Variants in CCNF observed in about 807,000 individuals in gnomAD.
CCNF encodes cyclin-F.
A neutral mutation model predicts 85.4 loss-of-function variants in CCNF; 30 were observed. That is an observed-to-expected ratio of 0.35 (90% CI 0.26 to 0.48). The LOEUF is 0.48. Ranked by LOEUF, CCNF falls within the 20% of genes least tolerant of loss-of-function variation. The pLI is 0.99. For missense variants in CCNF, 919 were observed against 1,010.4 expected, an observed-to-expected ratio of 0.91 and a Z score of 1.23; for synonymous variants, 439 against 425.1, an observed-to-expected ratio of 1.03 and a Z score of -0.40.
Position 2,445,388 on chromosome 16 carries a change from G to A in CCNF, c.930-70G>A, listed in dbSNP as rs779567997. 5.2e-6 allele frequency: 8 copies of A among 1,545,676 alleles called. No individual in the cohort carries two copies. The Admixed American group carries it at 1.4e-4, about 26-fold the overall frequency. On this transcript the variant is annotated intron_variant, in intron 9 of 16. Transcript: ENST00000397066. ...CTTATTTGGTCGGGCCCAACAGGTG[G>A]GGTTGAAATCGCAGACAGGGACACA...
At chr16:2,443,615 T>C (rs1315552511) in intron 8 of CCNF, 34 bp from the exon 9 acceptor site, 2 of 1,599,858 alleles carry the variant, frequency 1.3e-6, no homozygotes, top group African/African-American at 2.7e-5. Flanking sequence ...ACATGGCTGC[T>C]GTCTCACGCT....
At chr16:2,429,559 C>T in intron 1 of CCNF, 62 bp downstream of exon 1, 1 of 1,219,946 alleles carries the variant, frequency 8.2e-7, no homozygotes, top group Non-Finnish European at 1.0e-6. Context: ...CCCTGCGGGG[C>T]GGACGGTGGG....
chr16:2,438,171 C>T (rs1445915289), intron 6 of CCNF, 48 bp downstream of exon 6: 1 of 1,326,204 alleles, frequency 7.5e-7, no homozygotes, highest in Admixed American at 1.7e-5. Flanking sequence ...CGATACATCC[C>T]TAGCCGAGAT....
chr16:2,454,072 TC>T, intron 15 of CCNF, among the ~76,000 whole-genome samples: 1 of 152,300 alleles, frequency 6.6e-6, no homozygotes, highest in East Asian at 1.9e-4. Flanking sequence ...AACAGGGCCC[TC>T]CCTGTGCTGC....
chr16:2,452,574 T>C lies in CCNF; in HGVS notation c.1488-636T>C, dbSNP rs1241566702. 3 of 152,228 alleles carry C rather than the reference T, an allele frequency of 2.0e-5. No individual in the cohort carries two copies. The highest frequency in any genetic ancestry group is 7.2e-5 in the African/African-American group (3 of 41,450). The allele number at this position is 152,228 out of a possible 1,614,324, so 9.4% of individuals were successfully genotyped here. ...ACGTTATTTAGAAACTACACTTCCTTTGATTGTGTGATTTAACGGGCTTTT... is the reference window on the plus strand; with the variant it reads ...ACGTTATTTAGAAACTACACTTCCTCTGATTGTGTGATTTAACGGGCTTTT... On this transcript the variant is annotated intron_variant, in intron 13 of 16. Transcript: ENST00000397066. This position sits in a 1 kb window ranked among gnomAD's most constrained non-coding sequence, Gnocchi z 4.1.
At chr16:2,445,848 C>A (rs937238820) in intron 10 of CCNF, among the ~76,000 whole-genome samples, 5 of 152,062 alleles carry the variant, frequency 3.3e-5, no homozygotes, top group African/African-American at 1.2e-4. Flanking sequence ...CTGCCTCAGC[C>A]TCCAGAGTAG....
In CCNF at chr16:2,455,530, C is replaced by G; in HGVS notation, c.1851C>G (p.Gly617=). 1 of 1,602,882 alleles carries G rather than the reference C, an allele frequency of 6.2e-7. No homozygotes were observed. The highest frequency in any genetic ancestry group is 8.5e-7 in the Non-Finnish European group (1 of 1,171,044). ...TGGACTGCTGCTCTGGCTATGAAGG[C>G]GACCAGGAGAGTGAGGGCGAGAAGG... ...WSLDCCSGYE[G]DQESEGEKEG... is the part of the protein sequence containing the mutation. Residue 617 remains glycine, a synonymous_variant, in exon 16 of 17, where the codon GGC becomes GGG. Coordinates refer to ENST00000397066, the MANE Select transcript of CCNF (RefSeq NM_001761.3).
At chr16:2,449,070 C>A in intron 11 of CCNF, 92 bp downstream of exon 11, 1 of 1,546,122 alleles carries the variant, frequency 6.5e-7, no homozygotes, top group Non-Finnish European at 8.9e-7. Context: ...GTGGGAGGGC[C>A]TCATGGACTC....
At chr16:2,435,300 G>A (rs982999415) in intron 3 of CCNF, among the ~76,000 whole-genome samples, 6 of 150,942 alleles carry the variant, frequency 4.0e-5, no homozygotes, top group Admixed American at 3.3e-4. Flanking sequence ...TTCTAGAGCC[G>A]GGCATGATGG....
At chr16:2,450,271 G>A (rs894256063) in intron 13 of CCNF, among the ~76,000 whole-genome samples, 11 of 150,534 alleles carry the variant, frequency 7.3e-5, no homozygotes, top group African/African-American at 1.7e-4. Flanking sequence ...AGGCCAAAGC[G>A]GGCGGATCAC....
chr16:2,439,509 G>T, intron 7 of CCNF, 52 bp downstream of exon 7: 1 of 1,302,044 alleles, frequency 7.7e-7, no homozygotes, highest in African/African-American at 1.4e-5. Context: ...CAAAGGCGTA[G>T]TTGATGCTGG....
chr16:2,439,571 GTC>G (rs1218756553), intron 7 of CCNF, 114 bp downstream of exon 7: 5 of 928,818 alleles, frequency 5.4e-6, no homozygotes, highest in African/African-American at 3.3e-5. Context: ...GCTGCTCCCG[GTC>G]TCTCAGCCTC....
chr16:2,434,148 A>G (rs1342596417), intron 3 of CCNF, among the ~76,000 whole-genome samples: 3 of 151,918 alleles, frequency 2.0e-5, no homozygotes, highest in African/African-American at 4.8e-5. Context: ...TCTATTAAAA[A>G]TACAAAAATT....
chr16:2,433,129 CTG>C, intron 3 of CCNF, 62 bp downstream of exon 3: 1 of 1,020,902 alleles, frequency 9.8e-7, no homozygotes, highest in Non-Finnish European at 1.5e-6. Context: ...ATGTGCCAGT[CTG>C]TGTCTCACGG....
chr16:2,456,879 CCATCAGGCCAG>C lies in CCNF; in HGVS notation c.2221_2231del (p.His741GlufsTer31). The C allele has an allele frequency of 1.2e-6, 2 of 1,614,184 alleles. No individual in the cohort carries two copies. Among genetic ancestry groups the C allele is most frequent in the Non-Finnish European group, 1.7e-6 (2 of 1,180,036 alleles). ...GTGACTCGCACACACAGCCCTGCCA[CCATCAGGCCAG>C]GAAGTCATGTTTACAGTGTCGTCCC... is the stretch of plus-strand genomic sequence containing the variant. On this transcript the variant is annotated frameshift_variant, in exon 17 of 17. Transcript: ENST00000397066. LOFTEE classifies it low-confidence loss of function (END_TRUNC). The surrounding 1 kb of genome is among the most constrained non-coding windows in gnomAD (Gnocchi z 4.5).
chr16:2,445,512 C>G lies in CCNF; in HGVS notation c.984C>G (p.Ser328Arg). The G allele has an allele frequency of 6.2e-7, 1 of 1,614,174 alleles. No homozygotes were observed. Among genetic ancestry groups the G allele is most frequent in the South Asian group, 1.1e-5 (1 of 91,086 alleles). ...TTGCCACCATGAAGGACTTCACAAGCCTGTGCCTGCACCTGACCGTGGAGT... is the reference window on the plus strand; with the variant it reads ...TTGCCACCATGAAGGACTTCACAAGGCTGTGCCTGCACCTGACCGTGGAGT... The part of the protein sequence containing the change: ...VEVATMKDFT[S>R]LCLHLTVECV... The change falls in exon 10 of 17, where the codon AGC becomes AGG. Residue 328 changes from serine (S) to arginine (R), a missense_variant. Physicochemically the swap from Ser to Arg is moderately radical, Grantham distance 110. Around this residue, in one of 3 missense-constraint regions of CCNF, gnomAD observed 410 missense variants for 478.6 expected, o/e 0.86. Coordinates refer to ENST00000397066, the MANE Select transcript of CCNF (RefSeq NM_001761.3).
In CCNF at chr16:2,453,707, G is replaced by T. The variant is rs1290200608; in HGVS notation, c.1715+170G>T. 6.6e-6 allele frequency among the ~76,000 whole-genome samples: 1 copy of T among 152,170 alleles called. No individual in the cohort carries two copies. The highest frequency in any genetic ancestry group is 1.5e-5 in the Non-Finnish European group (1 of 68,034). ...CCCTGCAGTCATGCCTCGGGCCCCT[G>T]CGTAACCTCCACTGTCTCCAGCCCA... is the stretch of plus-strand genomic sequence containing the variant. On this transcript the variant is annotated intron_variant, in intron 15 of 16. Transcript: ENST00000397066. The surrounding 1 kb of genome is among the most constrained non-coding windows in gnomAD (Gnocchi z 5.6).
At position 2,452,269 on chromosome 16, in the gene CCNF, C is replaced by G. The variant is rs558248761; in HGVS notation, c.1488-941C>G. On this transcript the variant is annotated intron_variant, in intron 13 of 16. Coordinates refer to ENST00000397066, the MANE Select transcript of CCNF (RefSeq NM_001761.3). The surrounding 1 kb of genome is among the most constrained non-coding windows in gnomAD (Gnocchi z 4.1). Reference sequence around the variant, plus strand: ...TGTGGCCCATCTGCTTTTTCTCCCACCATGCTGTGCTCCAGCCACAGGGGA... The same window carrying G: ...TGTGGCCCATCTGCTTTTTCTCCCAGCATGCTGTGCTCCAGCCACAGGGGA... Among the ~76,000 whole-genome samples the G allele has an allele frequency of 9.5e-4, 145 of 152,326 alleles. 1 individual carries two copies. Among genetic ancestry groups the G allele is most frequent in the African/African-American group, 3.2e-3 (135 of 41,566 alleles).
chr16:2,449,293 G>C lies in CCNF; in HGVS notation c.1230G>C (p.Val410=), dbSNP rs1387337029. The change falls in exon 12 of 17, where the codon GTG becomes GTC. Residue 410 remains valine, a synonymous_variant. Coordinates refer to ENST00000397066, the MANE Select transcript of CCNF (RefSeq NM_001761.3). The stretch of plus-strand genomic sequence containing the variant: ...TCCCGGCTGTCTAGGTCCCCACTGT[G>C]GTGGATTACAAGGAGGTCCTGCTGA... ...ALEGKIRVPT[V]VDYKEVLLTL... 1 of 1,613,834 alleles carries C rather than the reference G, an allele frequency of 6.2e-7. No individual in the cohort carries two copies. The highest frequency in any genetic ancestry group is 1.1e-5 in the South Asian group (1 of 91,068).
Sources: gnomAD v4.1 joint callset for allele counts (sites outside exome capture counted in the v4.1 genomes callset) on GRCh38, gnomAD v4.1.1 for gene constraint, gnomAD v4.1.1 regional missense constraint, Gnocchi (gnomAD v3.1) non-coding constraint, MANE v1.5 for transcripts, NCBI Gene and HGNC (gene_info 2026-07-23, HGNC 2026-07-21) for gene names.